The following NOL4L variants were observed in gnomAD, a reference collection of about 807,000 sequenced individuals.
NOL4L encodes nucleolar protein 4-like.
In NOL4L, 7 loss-of-function variants were observed where a neutral mutation model predicts 64.5. The observed-to-expected ratio is 0.11, with a 90% CI of 0.06 to 0.20. NOL4L has a LOEUF of 0.20. Among genes scored for constraint, NOL4L ranks in the 10% least tolerant of loss-of-function variants. The pLI is 1.00. For synonymous variants in NOL4L, 413 were observed against 401.0 expected (o/e 1.03, Z -0.36); for missense variants, 680 against 967.1 (o/e 0.70, Z 3.94).
chr20:32,558,670 T>A (rs574073762), intron 1 of NOL4L, among the ~76,000 whole-genome samples: 1 of 152,336 alleles, frequency 6.6e-6, no homozygotes, highest in African/African-American at 2.4e-5. Context: ...CTGGCCTGGC[T>A]GTGGCCCTTT....
chr20:32,461,149 C>T (rs960600132), intron 5 of NOL4L, among the ~76,000 whole-genome samples: 2 of 152,216 alleles, frequency 1.3e-5, no homozygotes, highest in African/African-American at 2.4e-5. Context: ...GATTTGATGC[C>T]GGCTGCAGCC....
chr20:32,473,784 G>A (rs1037127948), intron 5 of NOL4L, among the ~76,000 whole-genome samples: 8 of 152,052 alleles, frequency 5.3e-5, no homozygotes, highest in Non-Finnish European at 1.0e-4. Flanking sequence ...TGCTGGCTCC[G>A]GCTCCTACAC....
In NOL4L at chr20:32,540,234, G is replaced by T. The variant is rs561009087; in HGVS notation, c.322-12321C>A. 6.6e-5 allele frequency among the ~76,000 whole-genome samples: 10 copies of T among 152,332 alleles called. No homozygotes were observed. The East Asian group carries it at 1.9e-3, about 29-fold the overall frequency. On this transcript the variant is annotated intron_variant, in intron 1 of 10. Transcript: ENST00000621426. The stretch of plus-strand genomic sequence containing the variant: ...CCAAGTGTCCCTCTGGGCCCAGACA[G>T]ATGTGTGTAGGCCGTGACACACAGT...
chr20:32,519,113 A>G (rs2017811077), intron 3 of NOL4L, among the ~76,000 whole-genome samples: 1 of 152,226 alleles, frequency 6.6e-6, no homozygotes, highest in Non-Finnish European at 1.5e-5. Flanking sequence ...ATGGTAGTGC[A>G]GCCCTGGAGC....
chr20:32,488,860 TTTC>T (rs2016315050), intron 4 of NOL4L, among the ~76,000 whole-genome samples: 1 of 103,670 alleles, frequency 9.6e-6, no homozygotes, highest in South Asian at 2.9e-4. Flanking sequence ...TCTTTCTTTC[TTTC>T]TTTCTTTCTT....
At chr20:32,540,122 G>C (rs7262095) in intron 1 of NOL4L, among the ~76,000 whole-genome samples, 5,748 of 152,278 alleles carry the variant, frequency 0.038, 321 homozygotes, top group African/African-American at 0.13. Flanking sequence ...GGCAGGGGAG[G>C]CTGGGGACTC....
intron 1 of NOL4L, among the ~76,000 whole-genome samples, chr20:32,564,229 TG>T (rs1419912401): frequency 6.6e-6 from 1 of 152,204 alleles, no homozygotes; most frequent in Admixed American, 6.5e-5. Flanking sequence ...AACGTGGCCC[TG>T]TCATCCTTCA....
At chr20:32,482,293 T>G (rs2015779685) in intron 4 of NOL4L, among the ~76,000 whole-genome samples, 2 of 149,344 alleles carry the variant, frequency 1.3e-5, no homozygotes, top group African/African-American at 2.5e-5. Flanking sequence ...GAGGAGGGGG[T>G]GGGCCTCCCA....
At chr20:32,526,499 C>T (rs937160557) in intron 2 of NOL4L, among the ~76,000 whole-genome samples, 1 of 135,822 alleles carries the variant, frequency 7.4e-6, no homozygotes, top group Non-Finnish European at 1.5e-5. Flanking sequence ...CGGATGGTTG[C>T]ATTAAAAAAA....
At chr20:32,556,859 A>G (rs1243624411) in intron 1 of NOL4L, among the ~76,000 whole-genome samples, 2 of 152,228 alleles carry the variant, frequency 1.3e-5, no homozygotes, top group Non-Finnish European at 2.9e-5. Flanking sequence ...CCGGAGCCAC[A>G]GTGCCTCGCC....
chr20:32,537,378 C>A (rs2018564972), intron 1 of NOL4L, among the ~76,000 whole-genome samples: 1 of 152,240 alleles, frequency 6.6e-6, no homozygotes, highest in Non-Finnish European at 1.5e-5. Flanking sequence ...TCCTGGGAGA[C>A]AAAACAGTCA....
chr20:32,578,401 T>A (rs1383774475), intron 1 of NOL4L, among the ~76,000 whole-genome samples: 1 of 152,160 alleles, frequency 6.6e-6, no homozygotes, highest in East Asian at 1.9e-4. Flanking sequence ...CTCTGTTTTT[T>A]TTGAGACAGA....
chr20:32,463,938 G>A lies in NOL4L; in HGVS notation c.842-7543C>T, dbSNP rs1229837117. On this transcript the variant is annotated intron_variant, in intron 5 of 10. Coordinates refer to ENST00000621426, the MANE Select transcript of NOL4L (RefSeq NM_001256798.2). The surrounding 1 kb of genome is among the most constrained non-coding windows in gnomAD (Gnocchi z 5.8). ...CACTGGAGGCCAGCAGGCCCTGCGTGCAGACTGCCTTCCGTGTCCAGAGGT... is the reference window on the plus strand; with the variant it reads ...CACTGGAGGCCAGCAGGCCCTGCGTACAGACTGCCTTCCGTGTCCAGAGGT... Among the ~76,000 whole-genome samples the A allele has an allele frequency of 6.6e-6, 1 of 152,236 alleles. No individual in the cohort carries two copies. The highest frequency in any genetic ancestry group is 1.5e-5 in the Non-Finnish European group (1 of 68,040).
chr20:32,456,164 T>A lies in NOL4L; in HGVS notation c.1073A>T (p.Asp358Val). The change falls in exon 6 of 11, where the codon GAC becomes GTC. Residue 358 changes from aspartate to valine, a missense_variant. Asp to Val is a radical substitution (Grantham distance 152). Coordinates refer to ENST00000621426, the MANE Select transcript of NOL4L (RefSeq NM_001256798.2). ...ASYPSDGCGA[D>V]GLRSRVKYGV... is the part of the protein sequence containing the mutation. ...GTATTTGACGCGGCTCCGCAGCCCG[T>A]CGGCACCGCAGCCATCCGAGGGGTA... is the stretch of plus-strand genomic sequence containing the variant. The A allele has an allele frequency of 6.3e-7, 1 of 1,579,126 alleles. No homozygotes were observed. The highest frequency in any genetic ancestry group is 1.2e-5 in the South Asian group (1 of 86,706).
At chr20:32,517,148 C>A (rs538931274) in intron 3 of NOL4L, among the ~76,000 whole-genome samples, 1 of 152,226 alleles carries the variant, frequency 6.6e-6, no homozygotes, top group Admixed American at 6.5e-5. Flanking sequence ...CTGTCCAGGT[C>A]CCCCCCACTC....
At chr20:32,520,644 A>C (rs1245379635) in intron 3 of NOL4L, among the ~76,000 whole-genome samples, 167 bp downstream of exon 3, 1 of 152,218 alleles carries the variant, frequency 6.6e-6, no homozygotes, top group Non-Finnish European at 1.5e-5. Flanking sequence ...AAGTTAAACG[A>C]AACAAAACAA....
In NOL4L at chr20:32,447,109, A is replaced by G. The variant is rs1197222283; in HGVS notation, c.*487T>C. Reference sequence around the variant, plus strand: ...TATGGGGATACATCCTTCTGATCAGACAGACACAGACTAGCAATCTGTACA... The same window carrying G: ...TATGGGGATACATCCTTCTGATCAGGCAGACACAGACTAGCAATCTGTACA... On this transcript the variant is annotated 3_prime_UTR_variant, in exon 11 of 11. Transcript: ENST00000621426. The G allele has an allele frequency of 4.9e-6, 2 of 409,278 alleles. No individual in the cohort carries two copies. The highest frequency in any genetic ancestry group is 4.1e-5 in the African/African-American group (2 of 48,624). 25.4% of individuals were successfully genotyped at this position (409,278 alleles called of 1,614,324 possible). A position where few individuals can be genotyped will look rare whatever the true frequency, so the allele number is the denominator to read the frequency against.
chr20:32,509,865 T>C (rs1260743953), intron 4 of NOL4L: 2 of 1,304,336 alleles, frequency 1.5e-6, no homozygotes, highest in East Asian at 5.5e-5. Context: ...GGTTTTGTGC[T>C]TCATTCTTCA....
rs568998098 is a variant in NOL4L, at chr20:32,567,918, C to T, written c.321+16652G>A. On this transcript the variant is annotated intron_variant, in intron 1 of 10. Transcript: ENST00000621426. Reference sequence around the variant, plus strand: ...ATCATCTTCATCACCATCATTACCACCACCATCATCATCATCATCACCATC... The same window carrying T: ...ATCATCTTCATCACCATCATTACCATCACCATCATCATCATCATCACCATC... Among the ~76,000 whole-genome samples, 1,418 of 149,252 alleles carry T rather than the reference C, an allele frequency of 9.5e-3. 10 individuals are homozygous for T. Among genetic ancestry groups the T allele is most frequent in the Non-Finnish European group, 0.015 (1,042 of 67,886 alleles).
Sources: gnomAD v4.1 joint callset for allele counts (sites outside exome capture counted in the v4.1 genomes callset) on GRCh38, gnomAD v4.1.1 for gene constraint, Gnocchi (gnomAD v3.1) non-coding constraint, MANE v1.5 for transcripts, NCBI Gene and HGNC (gene_info 2026-07-23, HGNC 2026-07-21) for gene names.